ZHX1: variants seen among roughly 807,000 people sequenced by gnomAD.
ZHX1 encodes the protein zinc fingers and homeoboxes 1, also known as zinc fingers and homeoboxes protein 1.
A neutral mutation model predicts 61.8 loss-of-function variants in ZHX1; 20 were observed. That is an observed-to-expected ratio of 0.32 (90% confidence interval 0.23 to 0.47). The LOEUF is 0.47. Ranked by LOEUF, ZHX1 falls within the 20% of genes least tolerant of loss-of-function variation. ZHX1 has a pLI of 1.00. For missense variants in ZHX1, 800 were observed against 1,034.8 expected, an observed-to-expected ratio of 0.77 and a Z score of 3.11; for synonymous variants, 318 against 352.6, an observed-to-expected ratio of 0.90 and a Z score of 1.10.
At chr8:123,261,038 G>C (rs1382378693) in intron 2 of ZHX1, among the ~76,000 whole-genome samples, 2 of 152,004 alleles carry the variant, frequency 1.3e-5, no homozygotes, top group Non-Finnish European at 2.9e-5. Flanking sequence ...AAGACTATTT[G>C]CTTGCTATAA....
chr8:123,255,235 T>C lies in ZHX1; in HGVS notation c.712A>G (p.Ile238Val), dbSNP rs1479339658. ...SASESNTSTS[I>V]VNRIHPSTAS... ...GTACTTGGATGTATTCTGTTTACAA[T>C]GGAAGTACTTGTATTAGATTCAGAA... The change falls in exon 3 of 4, where the codon ATT becomes GTT. Residue 238 changes from isoleucine (I) to valine (V), a missense_variant. By Grantham distance (29) the Ile-to-Val change is conservative (BLOSUM62 3). Transcript: ENST00000395571. 2 of 1,614,230 alleles carry C rather than the reference T, an allele frequency of 1.2e-6. No individual in the cohort carries two copies. The highest frequency in any genetic ancestry group is 8.5e-7 in the Non-Finnish European group (1 of 1,180,038).
Position 123,255,364 on chromosome 8 carries a change from G to C in ZHX1, c.583C>G (p.Arg195Gly), listed in dbSNP as rs369013427. 18 of 1,613,604 alleles carry C rather than the reference G, an allele frequency of 1.1e-5. No individual in the cohort carries two copies. The highest frequency in any genetic ancestry group is 1.5e-5 in the Non-Finnish European group (18 of 1,179,958). The change falls in exon 3 of 4, where the codon CGG (arginine) becomes GGG (glycine). Residue 195 changes from arginine to glycine, a missense_variant. Coordinates refer to ENST00000395571, the MANE Select transcript of ZHX1 (RefSeq NM_007222.5). Reference protein sequence around the residue: ...KMMKNKVENKRIAVHHNSVED... With the variant: ...KMMKNKVENKGIAVHHNSVED... ...ACTGAGTTATGATGAACTGCAATCC[G>C]TTTATTTTCCACTTTATTTTTCATC...
Position 123,254,012 on chromosome 8 carries a change from T to C in ZHX1, c.1935A>G (p.Gly645=), listed in dbSNP as rs1199905874. Residue 645 remains glycine (G), a synonymous_variant, in exon 3 of 4, where the codon GGA becomes GGG. Transcript: ENST00000395571. The surrounding 1 kb of genome is among the most constrained non-coding windows in gnomAD (Gnocchi z 4.1). ...CAGATTCATCTGCAGGAGAAGTTTC[T>C]CCAGCTTCTTCTTTGGAACTACCTG... ...SNAGSSKEEA[G]ETSPADESGA... 1 of 1,614,156 alleles carries C rather than the reference T, an allele frequency of 6.2e-7. No individual in the cohort carries two copies. The highest frequency in any genetic ancestry group is 8.5e-7 in the Non-Finnish European group (1 of 1,180,034).
chr8:123,273,977 T>C (rs1275105972), intron 1 of ZHX1: 1 of 152,218 alleles, frequency 6.6e-6, no homozygotes, highest in Admixed American at 6.5e-5. Context: ...CTGCGGCGAC[T>C]ACCCAGCCGC....
intron 1 of ZHX1, among the ~76,000 whole-genome samples, chr8:123,273,505 C>A (rs1237430719): frequency 6.6e-6 from 1 of 152,148 alleles, no homozygotes; most frequent in Non-Finnish European, 1.5e-5. Flanking sequence ...GGCTTCGTCA[C>A]AATCGTAATA....
At chr8:123,253,244 A>G in intron 3 of ZHX1, 78 bp downstream of exon 3, 1 of 1,216,464 alleles carries the variant, frequency 8.2e-7, no homozygotes, top group Non-Finnish European at 1.1e-6. Context: ...AATGAAGATG[A>G]CTGATACAAC....
At chr8:123,263,379 C>T (rs1276570206) in intron 2 of ZHX1, among the ~76,000 whole-genome samples, 2 of 152,152 alleles carry the variant, frequency 1.3e-5, no homozygotes, top group East Asian at 3.8e-4. Context: ...TACAGAAAAG[C>T]ATTTAATGAA....
At chr8:123,273,351 C>T (rs1359910829) in intron 1 of ZHX1, among the ~76,000 whole-genome samples, 1 of 152,170 alleles carries the variant, frequency 6.6e-6, no homozygotes, top group Non-Finnish European at 1.5e-5. Flanking sequence ...CCTCTCACAC[C>T]TCTCCTTCCC....
rs191857727 is a variant in ZHX1, at chr8:123,270,091, G to A, written c.-339-2705C>T. ...ATATAAGTAATTTTATCATAGTAAC[G>A]AGGAGAAATTGTTCTCATGATCTTC... On this transcript the variant is annotated intron_variant, in intron 1 of 3. Coordinates refer to ENST00000395571, the MANE Select transcript of ZHX1 (RefSeq NM_007222.5). 4.2e-3 allele frequency among the ~76,000 whole-genome samples: 640 copies of A among 152,204 alleles called. 3 individuals carry two copies. The highest frequency in any genetic ancestry group is 0.015 in the African/African-American group (608 of 41,530).
intron 1 of ZHX1, among the ~76,000 whole-genome samples, chr8:123,271,639 A>G (rs1224519650): frequency 6.6e-6 from 1 of 152,232 alleles, no homozygotes; most frequent in Non-Finnish European, 1.5e-5. Context: ...CTTAATTAGC[A>G]TAAGAAATAT....
At chr8:123,275,492 C>T (rs1218262594), upstream of ZHX1, 1 of 152,190 alleles carries the variant, frequency 6.6e-6, no homozygotes, top group Non-Finnish European at 1.5e-5. Flanking sequence ...TCCGCTGAGC[C>T]ACATTAATCC....
chr8:123,254,126 A>T lies in ZHX1; in HGVS notation c.1821T>A (p.Leu607=), dbSNP rs1290980507. 1 of 1,614,144 alleles carries T rather than the reference A, an allele frequency of 6.2e-7. No homozygotes were observed. The highest frequency in any genetic ancestry group is 8.5e-7 in the Non-Finnish European group (1 of 1,180,026). ...ACCAAGCATCGATTTCTCTTCTGGT[A>T]AGTTTGGTTTGTGCCCTTAACCTAT... is the stretch of plus-strand genomic sequence containing the variant. ...ELNRLRAQTK[L]TRREIDAWFT... Residue 607 remains leucine, a synonymous_variant, in exon 3 of 4, where the codon CTT becomes CTA. Transcript: ENST00000395571. The surrounding 1 kb of genome is among the most constrained non-coding windows in gnomAD (Gnocchi z 4.1).
Position 123,254,519 on chromosome 8 carries a change from C to A in ZHX1, c.1428G>T (p.Leu476=), listed in dbSNP as rs755690382. 3 of 1,613,670 alleles carry A rather than the reference C, an allele frequency of 1.9e-6. No homozygotes were observed. In the East Asian group the frequency reaches 6.7e-5, roughly 36 times the overall value. ...TAAGGTAGCTAACTTTTAATTCTGC[C>A]AGTTGCTCTTTTGTCTTTTTTGCCC... is the stretch of plus-strand genomic sequence containing the variant. ...GIRAKKTKEQ[L]AELKVSYLKN... is the part of the protein sequence containing the mutation. The change falls in exon 3 of 4, where the codon CTG becomes CTT. Residue 476 remains leucine (L), a synonymous_variant. Transcript: ENST00000395571. This position sits in a 1 kb window ranked among gnomAD's most constrained non-coding sequence, Gnocchi z 4.1.
chr8:123,259,065 T>C (rs576932158), intron 2 of ZHX1, among the ~76,000 whole-genome samples: 14 of 152,318 alleles, frequency 9.2e-5, no homozygotes, highest in Non-Finnish European at 2.1e-4. Context: ...TAAGAGAGAA[T>C]ATCCTGACTT....
In ZHX1 at chr8:123,254,284, C is replaced by A; in HGVS notation, c.1663G>T (p.Ala555Ser). Residue 555 changes from alanine (A) to serine (S), a missense_variant, in exon 3 of 4, where the codon GCA becomes TCA. Ala to Ser is a moderately conservative substitution (Grantham distance 99). Transcript: ENST00000395571. This position sits in a 1 kb window ranked among gnomAD's most constrained non-coding sequence, Gnocchi z 4.1. ...GGATTCCAGGATTGCTTAGGCTGTG[C>A]AGTACCAACAGTTGGGGATTCCGTG... ...ETTESPTVGT[A>S]QPKQSWNPFP... 15 of 1,614,088 alleles carry A rather than the reference C, an allele frequency of 9.3e-6. No homozygotes were observed. Among genetic ancestry groups the A allele is most frequent in the Non-Finnish European group, 1.3e-5 (15 of 1,180,002 alleles).
rs755688731 is a variant in ZHX1, at chr8:123,255,789, T to C, written c.158A>G (p.His53Arg). 51 of 1,614,030 alleles carry C rather than the reference T, an allele frequency of 3.2e-5. No individual in the cohort carries two copies. The highest frequency in any genetic ancestry group is 1.6e-4 in the Middle Eastern group (1 of 6,082). ...AESISSDEEV[H>R]ESVDSDNQQN... ...CTGATTGTCTGAATCCACAGATTCA[T>C]GAACCTCTTCATCACTTGAGATACT... Residue 53 changes from histidine (H) to arginine (R), a missense_variant, in exon 3 of 4, where the codon CAT (histidine) becomes CGT (arginine). Transcript: ENST00000395571.
At chr8:123,257,382 T>A (rs1430963073) in intron 2 of ZHX1, among the ~76,000 whole-genome samples, 1 of 152,184 alleles carries the variant, frequency 6.6e-6, no homozygotes, top group African/African-American at 2.4e-5. Context: ...AACCTCACTT[T>A]CCTTCCTCCT....
intron 1 of ZHX1, among the ~76,000 whole-genome samples, chr8:123,268,640 C>G (rs1379390952): frequency 6.6e-6 from 1 of 152,056 alleles, no homozygotes; most frequent in South Asian, 2.1e-4. Flanking sequence ...TACAGGCACA[C>G]GCCACCACAC....
intron 1 of ZHX1, chr8:123,273,601 C>T (rs1826734764): frequency 6.6e-6 from 1 of 152,302 alleles, no homozygotes; most frequent in African/African-American, 2.4e-5. Flanking sequence ...CTTCCTTGAA[C>T]TGGAGGTAAA....
Sources: allele counts gnomAD v4.1 joint callset (sites outside exome capture counted in the v4.1 genomes callset), GRCh38; gene constraint gnomAD v4.1.1; non-coding constraint Gnocchi (gnomAD v3.1); transcripts MANE v1.5; gene names NCBI Gene and HGNC (gene_info 2026-07-23, HGNC 2026-07-21).